The following PXN variants were observed in gnomAD, a reference collection of about 807,000 sequenced individuals.
PXN encodes the protein testicular tissue protein Li 134.
A neutral mutation model predicts 103.6 loss-of-function variants in PXN; 61 were observed. That is an observed-to-expected ratio of 0.59 (90% CI 0.48 to 0.73). The LOEUF is 0.73. PXN is among the 30% of genes least tolerant of loss of function. The pLI is 0.00. For missense variants in PXN, 1,274 were observed against 1,460.3 expected (o/e 0.87, Z 2.08); for synonymous variants, 562 against 607.8 (o/e 0.92, Z 1.11).
chr12:120,215,524 G>T lies in PXN; in HGVS notation c.2403+36C>A, dbSNP rs374050965. On this transcript the variant is annotated intron_variant, in intron 10 of 14. Transcript: ENST00000637617. This position sits in a 1 kb window ranked among gnomAD's most constrained non-coding sequence, Gnocchi z 4.9. ...GCATGGCCAAGCCCAGGGAGAGCAC[G>T]ACACGCAGGACACCCAGCCCAGCCT... The T allele has an allele frequency of 6.5e-7, 1 of 1,541,284 alleles. No homozygotes were observed. Among genetic ancestry groups the T allele is most frequent in the South Asian group, 1.2e-5 (1 of 82,974 alleles).
chr12:120,230,677 G>A (rs1404507005), intron 1 of PXN, among the ~76,000 whole-genome samples: 1 of 149,556 alleles, frequency 6.7e-6, no homozygotes, highest in South Asian at 2.1e-4. Flanking sequence ...CAGAGCACAT[G>A]AGCAGTTAGA....
At chr12:120,258,192 CA>C (rs35240186) in intron 1 of PXN, among the ~76,000 whole-genome samples, 21,053 of 118,278 alleles carry the variant, frequency 0.18, 1,703 homozygotes, top group East Asian at 0.48. Context: ...GACTCCGTCT[CA>C]AAAAAAAAAA....
rs1246912820 is a variant in PXN at position 120,214,215 on chromosome 12, T to A, written c.2751A>T (p.Lys917Asn). 1.3e-6 allele frequency: 2 copies of A among 1,551,546 alleles called. No individual in the cohort carries two copies. The highest frequency in any genetic ancestry group is 1.2e-5 in the South Asian group (1 of 84,046). The change falls in exon 13 of 15, where the codon AAA becomes AAT. Residue 917 changes from lysine to asparagine, a missense_variant and splice_region_variant. By Grantham distance (94) the Lys-to-Asn change is moderately conservative. Transcript: ENST00000637617. The surrounding 1 kb of genome is among the most constrained non-coding windows in gnomAD (Gnocchi z 5.0). The stretch of plus-strand genomic sequence containing the variant: ...ACGTCCGGTCAAGGGCTGTCACCAC[T>A]TTCTGTGAAAGCAAAATGTGGGATC... ...CYYCNGPILDKVVTALDRTWH... is the reference protein window; with the variant it reads ...CYYCNGPILDNVVTALDRTWH...
rs958931245 is a variant in PXN at position 120,221,030 on chromosome 12, G to A, written c.831+593C>T. ...GGCCCAGCAGGGGAGGGGAAGGGCA[G>A]GTACCTCGTGCAAGCCTGGCCCCAT... On this transcript the variant is annotated intron_variant, in intron 6 of 14. Transcript: ENST00000637617. The surrounding 1 kb of genome is among the most constrained non-coding windows in gnomAD (Gnocchi z 6.6). Among the ~76,000 whole-genome samples, 2 of 152,206 alleles carry A rather than the reference G, an allele frequency of 1.3e-5. No homozygotes were observed. Among genetic ancestry groups the A allele is most frequent in the Non-Finnish European group, 2.9e-5 (2 of 68,034 alleles).
intron 1 of PXN, among the ~76,000 whole-genome samples, chr12:120,238,390 G>T (rs1039913521): frequency 2.6e-5 from 4 of 152,186 alleles, no homozygotes; most frequent in South Asian, 2.1e-4. Context: ...GTGCCCGGGG[G>T]TTCATGCAGC....
In PXN at chr12:120,224,394, C is replaced by T. The variant is rs199919231; in HGVS notation, c.14-17G>A. The T allele has an allele frequency of 8.4e-5, 134 of 1,595,282 alleles. No individual in the cohort carries two copies. The highest frequency in any genetic ancestry group is 3.2e-4 in the African/African-American group (24 of 74,614). On this transcript the variant is annotated splice_polypyrimidine_tract_variant and intron_variant, in intron 1 of 14. Coordinates refer to ENST00000637617, the MANE Select transcript of PXN (RefSeq NM_001385981.1). This position sits in a 1 kb window ranked among gnomAD's most constrained non-coding sequence, Gnocchi z 5.0. ...GCAGGGCGTCTGCAAAGAGAAGGCA[C>T]GGGTAGCAGGTGAGAACCGGGATCC...
rs1043276323 is a variant in PXN, at chr12:120,228,831, C to T, written c.14-4454G>A. On this transcript the variant is annotated intron_variant, in intron 1 of 14. Transcript: ENST00000637617. This position sits in a 1 kb window ranked among gnomAD's most constrained non-coding sequence, Gnocchi z 4.7. ...CCCCTATCTGCACCCCATGGCTGCA[C>T]CTGGTCGGAGCAACAGCATGGAACA... Among the ~76,000 whole-genome samples the T allele has an allele frequency of 3.9e-5, 6 of 152,214 alleles. No homozygotes were observed. Among genetic ancestry groups the T allele is most frequent in the African/African-American group, 1.4e-4 (6 of 41,442 alleles).
chr12:120,260,500 G>GA (rs11433431), intron 1 of PXN, among the ~76,000 whole-genome samples: 114,140 of 137,300 alleles, frequency 0.83, 47,523 homozygotes, highest in African/African-American at 0.92. Flanking sequence ...TGAAACTCAG[G>GA]AAAAAAAAAA....
At position 120,216,465 on chromosome 12, in the gene PXN, G is replaced by A; in HGVS notation, c.2109C>T (p.Pro703=). ...RTDAAASSSS[P]LPSLLASSPL... ...GGGAGGAGGCGAGCAGGCTGGGCAG[G>A]GGAGAAGAGCTGCTGGCCGCGGCGT... Residue 703 remains proline (P), a synonymous_variant, in exon 9 of 15, where the codon CCC becomes CCT. Coordinates refer to ENST00000637617, the MANE Select transcript of PXN (RefSeq NM_001385981.1). This position sits in a 1 kb window ranked among gnomAD's most constrained non-coding sequence, Gnocchi z 5.1. 7.2e-7 allele frequency: 1 copy of A among 1,385,736 alleles called. No individual in the cohort carries two copies. Among genetic ancestry groups the A allele is most frequent in the Non-Finnish European group, 9.3e-7 (1 of 1,079,404 alleles). The allele number at this position is 1,385,736 out of a possible 1,614,324, so 85.8% of individuals were successfully genotyped here. A position where few individuals can be genotyped will look rare whatever the true frequency, so the allele number is the denominator to read the frequency against.
rs1213049197 is a variant in PXN, at chr12:120,224,739, C to T, written c.14-362G>A. ...CTGGAACTCTGAATCTGCAGGGCAACGCGGAGAGAATGGGCGGGAGGGGCC... is the reference window on the plus strand; with the variant it reads ...CTGGAACTCTGAATCTGCAGGGCAATGCGGAGAGAATGGGCGGGAGGGGCC... On this transcript the variant is annotated intron_variant, in intron 1 of 14. Transcript: ENST00000637617. This position sits in a 1 kb window ranked among gnomAD's most constrained non-coding sequence, Gnocchi z 5.0. The T allele has an allele frequency of 1.6e-5, 8 of 514,558 alleles. No homozygotes were observed. Among genetic ancestry groups the T allele is most frequent in the Admixed American group, 4.5e-5 (2 of 44,112 alleles). The allele number at this position is 514,558 out of a possible 1,614,324, so 31.9% of individuals were successfully genotyped here.
rs1164918232 is a variant in PXN, at chr12:120,219,293, G to C, written c.1630C>G (p.Gln544Glu). 2.5e-6 allele frequency: 4 copies of C among 1,598,330 alleles called. No individual in the cohort carries two copies. The highest frequency in any genetic ancestry group is 1.7e-5 in the Admixed American group (1 of 59,998). ...AGCTCTGGCTGTTCCTTCCCGTCCT[G>C]GGTGGCAGCTTCCGTGGTGCCCTCT... is the stretch of plus-strand genomic sequence containing the variant. ...SPEGTTEAAT[Q>E]DGKEQPELPC... The change falls in exon 7 of 15, where the codon CAG (glutamine) becomes GAG (glutamate). Residue 544 changes from glutamine (Q) to glutamate (E), a missense_variant. Around this residue, in one of 2 missense-constraint regions of PXN, gnomAD observed 1,178 missense variants for 1,309.0 expected, o/e 0.90. Coordinates refer to ENST00000637617, the MANE Select transcript of PXN (RefSeq NM_001385981.1). This position sits in a 1 kb window ranked among gnomAD's most constrained non-coding sequence, Gnocchi z 6.5.
intron 7 of PXN, among the ~76,000 whole-genome samples, chr12:120,218,015 T>C (rs1883812589): frequency 6.6e-6 from 1 of 151,796 alleles, no homozygotes; most frequent in South Asian, 2.1e-4. Flanking sequence ...TTCGTTTTGT[T>C]TTCCAAAGAG....
At position 120,222,650 on chromosome 12, in the gene PXN, C is replaced by G; in HGVS notation, c.594G>C (p.Thr198=). 2.5e-6 allele frequency: 4 copies of G among 1,608,466 alleles called. No individual in the cohort carries two copies. Among genetic ancestry groups the G allele is most frequent in the Non-Finnish European group, 3.4e-6 (4 of 1,177,672 alleles). The change falls in exon 5 of 15, where the codon ACG becomes ACC. Residue 198 remains threonine (T), a synonymous_variant. Coordinates refer to ENST00000637617, the MANE Select transcript of PXN (RefSeq NM_001385981.1). The surrounding 1 kb of genome is among the most constrained non-coding windows in gnomAD (Gnocchi z 4.7). ...CCCCATTCCGCTTAGGCTTCTCTTT[C>G]GTCAGGGGCCCAGCTTTGCCTCCCA... ...SPLGGKAGPL[T]KEKPKRNGGR... is the part of the protein sequence containing the mutation.
rs1886518738 is a variant in PXN, at chr12:120,225,187, T to TTCTATACTCC, written c.14-811_14-810insGGAGTATAGA. 2 of 181,618 alleles carry TTCTATACTCC rather than the reference T, an allele frequency of 1.1e-5. No homozygotes were observed. The highest frequency in any genetic ancestry group is 4.8e-5 in the African/African-American group (2 of 42,008). The allele number at this position is 181,618 out of a possible 1,614,324, so 11.3% of individuals were successfully genotyped here. A position where few individuals can be genotyped will look rare whatever the true frequency, so the allele number is the denominator to read the frequency against. ...AGGGGGGCACTAGGTCTCCCCAGTCTCCAGAAAAGAAGGGTATAGAAGGGC... is the reference window on the plus strand; with the variant it reads ...AGGGGGGCACTAGGTCTCCCCAGTCTTCTATACTCCCCAGAAAAGAAGGGTATAGAAGGGC... On this transcript the variant is annotated intron_variant, in intron 1 of 14. Transcript: ENST00000637617. This position sits in a 1 kb window ranked among gnomAD's most constrained non-coding sequence, Gnocchi z 4.4.
chr12:120,254,560 G>GT (rs1318635601), intron 1 of PXN, among the ~76,000 whole-genome samples: 5 of 151,528 alleles, frequency 3.3e-5, no homozygotes, highest in African/African-American at 1.2e-4. Context: ...TTTTTGTTTT[G>GT]TTTTTTTTGA....
At chr12:120,250,872 G>A (rs1472792273) in intron 1 of PXN, among the ~76,000 whole-genome samples, 2 of 152,040 alleles carry the variant, frequency 1.3e-5, no homozygotes, top group Admixed American at 6.5e-5. Context: ...CAAGGCCACG[G>A]GAAATGCAGC....
chr12:120,231,356 C>T (rs905343556), intron 1 of PXN, among the ~76,000 whole-genome samples: 6 of 152,184 alleles, frequency 3.9e-5, no homozygotes, highest in Non-Finnish European at 8.8e-5. Context: ...GGATGAGAAA[C>T]GATCAATACC....
chr12:120,227,191 G>A, intron 1 of PXN: 1 of 981,130 alleles, frequency 1.0e-6, no homozygotes, highest in Non-Finnish European at 1.2e-6. Flanking sequence ...AACAGTGAGA[G>A]CCTGTCTCTA....
Position 120,213,732 on chromosome 12 carries a change from A to G in PXN, c.2979+110T>C, listed in dbSNP as rs919061008. 33 of 1,417,360 alleles carry G rather than the reference A, an allele frequency of 2.3e-5. No homozygotes were observed. In the East Asian group the frequency reaches 7.5e-4, roughly 32 times the overall value. 87.8% of individuals were successfully genotyped at this position (1,417,360 alleles called of 1,614,324 possible). A position where few individuals can be genotyped will look rare whatever the true frequency, so the allele number is the denominator to read the frequency against. ...GATCCCCTGCCTGCTCCCCCAATTA[A>G]TAACCCCAAATGAGGCCTCTGAGTT... On this transcript the variant is annotated intron_variant, in intron 14 of 14. Transcript: ENST00000637617. This position sits in a 1 kb window ranked among gnomAD's most constrained non-coding sequence, Gnocchi z 4.2.
Sources: allele counts gnomAD v4.1 joint callset (sites outside exome capture counted in the v4.1 genomes callset), GRCh38; gene constraint gnomAD v4.1.1; regional missense constraint gnomAD v4.1.1; non-coding constraint Gnocchi (gnomAD v3.1); transcripts MANE v1.5; gene names NCBI Gene and HGNC (gene_info 2026-07-23, HGNC 2026-07-21).